SORBS2: variants seen among roughly 807,000 people sequenced by gnomAD.
SORBS2 encodes sorbin and SH3 domain containing 2.
A neutral mutation model predicts 97.7 loss-of-function variants in SORBS2; 46 were observed. The observed-to-expected ratio is 0.47, with a 90% CI of 0.37 to 0.60. SORBS2 has a LOEUF of 0.60. SORBS2 is among the 20% of genes least tolerant of loss of function. The pLI, the probability that SORBS2 is intolerant of heterozygous loss-of-function variation, is 0.00. For missense variants in SORBS2, 1,316 were observed against 1,282.3 expected (o/e 1.03, Z -0.40); for synonymous variants, 476 against 473.4 (o/e 1.01, Z -0.07).
chr4:185,928,096 G>A (rs1007759906), intron 1 of SORBS2, among the ~76,000 whole-genome samples: 3 of 147,508 alleles, frequency 2.0e-5, no homozygotes, highest in Non-Finnish European at 4.5e-5. Context: ...TAGAGGGCAA[G>A]AAGAAGCATA....
intron 1 of SORBS2, chr4:185,894,479 C>T (rs1561276473): frequency 6.6e-6 from 1 of 152,142 alleles, no homozygotes; most frequent in Non-Finnish European, 1.5e-5. Flanking sequence ...TTCAGTTTTA[C>T]AGACATAATC....
At chr4:185,831,624 A>G (rs921276031) in intron 1 of SORBS2, among the ~76,000 whole-genome samples, 1 of 152,152 alleles carries the variant, frequency 6.6e-6, no homozygotes, top group Admixed American at 6.5e-5. Context: ...GCATTCCATG[A>G]AGGGTTACTA....
In SORBS2 at chr4:185,812,864, C is replaced by T. The variant is rs972117329; in HGVS notation, c.-337-37498G>A. The T allele has an allele frequency of 6.0e-4, 92 of 152,122 alleles. 1 individual carries two copies. The highest frequency in any genetic ancestry group is 2.1e-3 in the African/African-American group (88 of 41,434). 9.4% of individuals were successfully genotyped at this position (152,122 alleles called of 1,614,324 possible). Reference sequence around the variant, plus strand: ...ATTGCTTCTACGGCAGAAAATGATTCTTTAACTCAATCTTATTTGTAAATT... The same window carrying T: ...ATTGCTTCTACGGCAGAAAATGATTTTTTAACTCAATCTTATTTGTAAATT... On this transcript the variant is annotated intron_variant, in intron 1 of 20. Coordinates refer to the SORBS2 transcript ENST00000284776.
intron 2 of SORBS2, among the ~76,000 whole-genome samples, chr4:185,681,966 A>G (rs1024714343): frequency 3.3e-5 from 5 of 152,212 alleles, no homozygotes; most frequent in African/African-American, 1.2e-4. Flanking sequence ...TGATGCCTAT[A>G]ACTCATTTCT....
At chr4:185,615,970 C>T (rs1319394392) in intron 9 of SORBS2, among the ~76,000 whole-genome samples, 2 of 152,014 alleles carry the variant, frequency 1.3e-5, no homozygotes, top group African/African-American at 4.8e-5. Context: ...AACTTATCAC[C>T]TTCACTACAT....
intron 1 of SORBS2, among the ~76,000 whole-genome samples, chr4:185,800,493 A>AC (rs2099125055): frequency 1.3e-5 from 2 of 152,112 alleles, no homozygotes; most frequent in African/African-American, 4.8e-5. Flanking sequence ...CAGAGGTCAC[A>AC]GTCTCCCCTC....
intron 1 of SORBS2, among the ~76,000 whole-genome samples, chr4:185,801,690 CTG>C (rs57776572): frequency 0.12 from 17,345 of 142,368 alleles, 1,059 homozygotes; most frequent in African/African-American, 0.13. Flanking sequence ...CTCTCTCTCT[CTG>C]TGTGTGATGC....
chr4:185,754,423 A>G (rs2098818915), intron 2 of SORBS2, among the ~76,000 whole-genome samples: 2 of 152,158 alleles, frequency 1.3e-5, no homozygotes, highest in African/African-American at 4.8e-5. Flanking sequence ...GTAACATGCT[A>G]TCAATCTATC....
chr4:185,635,063 C>A (rs895916207), intron 4 of SORBS2, among the ~76,000 whole-genome samples: 1 of 152,122 alleles, frequency 6.6e-6, no homozygotes, highest in Non-Finnish European at 1.5e-5. Context: ...TGCACTAAGA[C>A]TAATACTTTT....
chr4:185,621,328 C>A (rs1400359216), intron 7 of SORBS2, among the ~76,000 whole-genome samples: 1 of 152,178 alleles, frequency 6.6e-6, no homozygotes, highest in East Asian at 1.9e-4. Context: ...GGAATATAAG[C>A]TATTTTTCAC....
intron 1 of SORBS2, among the ~76,000 whole-genome samples, chr4:185,843,945 C>T (rs939515624): frequency 2.0e-5 from 3 of 152,170 alleles, no homozygotes; most frequent in African/African-American, 7.2e-5. Flanking sequence ...AAGTTGGAGG[C>T]CTTACCTACC....
At chr4:185,770,532 T>G (rs1462157801) in intron 2 of SORBS2, among the ~76,000 whole-genome samples, 1 of 152,194 alleles carries the variant, frequency 6.6e-6, no homozygotes, top group Non-Finnish European at 1.5e-5. Flanking sequence ...GAGAAAAACA[T>G]AATATCCAAA....
In SORBS2 at chr4:185,618,634, G is replaced by A; in HGVS notation, c.2305-3C>T. The A allele has an allele frequency of 8.5e-6, 13 of 1,531,738 alleles. No individual in the cohort carries two copies. The highest frequency in any genetic ancestry group is 2.3e-5 in the East Asian group (1 of 43,812). The allele number at this position is 1,531,738 out of a possible 1,614,324, so 94.9% of individuals were successfully genotyped here. On this transcript the variant is annotated splice_polypyrimidine_tract_variant and splice_region_variant and intron_variant, in intron 8 of 14. Coordinates refer to ENST00000418609, the Ensembl canonical transcript of SORBS2. Reference sequence around the variant, plus strand: ...TAAACAGCTTTTGCAGGCAATTTCTGAAAAGGAAGATAAACAATTAGCACT... The same window carrying A: ...TAAACAGCTTTTGCAGGCAATTTCTAAAAAGGAAGATAAACAATTAGCACT...
At chr4:185,816,040 A>G (rs1036260825) in intron 1 of SORBS2, among the ~76,000 whole-genome samples, 1 of 152,234 alleles carries the variant, frequency 6.6e-6, no homozygotes, top group Non-Finnish European at 1.5e-5. Context: ...AGTGATTACT[A>G]CCATTACTGT....
At chr4:185,820,567 CA>C (rs1051321746) in intron 1 of SORBS2, among the ~76,000 whole-genome samples, 3 of 152,198 alleles carry the variant, frequency 2.0e-5, no homozygotes, top group Non-Finnish European at 4.4e-5. Flanking sequence ...GAGCTGAGAC[CA>C]CAGAGGGACA....
upstream of SORBS2, among the ~76,000 whole-genome samples, chr4:185,659,388 A>C (rs1321122676): frequency 6.6e-6 from 1 of 151,984 alleles, no homozygotes; most frequent in South Asian, 2.1e-4. Context: ...CTTGAATGTG[A>C]AAATAACATT....
intron 4 of SORBS2, among the ~76,000 whole-genome samples, chr4:185,643,758 T>C (rs974096204): frequency 6.6e-6 from 1 of 152,174 alleles, no homozygotes; most frequent in African/African-American, 2.4e-5. Flanking sequence ...CCAGGTGTTG[T>C]GTATATTTTT....
chr4:185,606,968 T>C lies in SORBS2; in HGVS notation c.2796+4812A>G, dbSNP rs2096437509. The C allele has an allele frequency of 1.0e-6, 1 of 993,558 alleles. No homozygotes were observed. The highest frequency in any genetic ancestry group is 1.2e-6 in the Non-Finnish European group (1 of 834,622). 61.5% of individuals were successfully genotyped at this position (993,558 alleles called of 1,614,324 possible). A position where few individuals can be genotyped will look rare whatever the true frequency, so the allele number is the denominator to read the frequency against. On this transcript the variant is annotated intron_variant, in intron 12 of 14. Coordinates refer to ENST00000418609, the Ensembl canonical transcript of SORBS2. The surrounding 1 kb of genome is among the most constrained non-coding windows in gnomAD (Gnocchi z 4.3). ...AACTCTGCAAAGTTGCTTTGAGTTG[T>C]CGTTCTGGGATCCTGAAGAGGCTCT...
exon 15 of SORBS2, chr4:185,586,162 A>C (rs2095799499): frequency 6.5e-6 from 1 of 152,672 alleles, no homozygotes; most frequent in Non-Finnish European, 1.5e-5. Context: ...TGTCCATGAA[A>C]GAGATGCCAT....
Sources: gnomAD v4.1 joint callset for allele counts (sites outside exome capture counted in the v4.1 genomes callset) on GRCh38, gnomAD v4.1.1 for gene constraint, Gnocchi (gnomAD v3.1) non-coding constraint, MANE v1.5 for transcripts, NCBI Gene and HGNC (gene_info 2026-07-23, HGNC 2026-07-21) for gene names.